ITPR1: variants seen among roughly 807,000 people sequenced by gnomAD.
ITPR1 encodes inositol 1,4,5-trisphosphate receptor type 1, also known as inositol 1,4,5-trisphosphate-gated calcium channel ITPR1.
A neutral mutation model predicts 318.4 loss-of-function variants in ITPR1; 96 were observed. The observed-to-expected ratio is 0.30, with a 90% CI of 0.26 to 0.36. The LOEUF is 0.36. Ranked by LOEUF, ITPR1 falls within the 10% of genes least tolerant of loss-of-function variation. The pLI is 1.00. For missense variants in ITPR1, 2,440 were observed against 3,460.2 expected, an observed-to-expected ratio of 0.71 and a Z score of 7.40; for synonymous variants, 1,312 against 1,289.9, an observed-to-expected ratio of 1.02 and a Z score of -0.37.
chr3:4,827,233 A>G (rs1312331768), intron 60 of ITPR1, among the ~76,000 whole-genome samples: 1 of 152,042 alleles, frequency 6.6e-6, no homozygotes, highest in African/African-American at 2.4e-5. Context: ...CTTGCCCTTT[A>G]CTTCCAGACG....
At chr3:4,593,280 G>C (rs553351960) in intron 4 of ITPR1, among the ~76,000 whole-genome samples, 1 of 152,138 alleles carries the variant, frequency 6.6e-6, no homozygotes, top group African/African-American at 2.4e-5. Context: ...CGTGAACTTA[G>C]ACATGCCATT....
At chr3:4,746,842 G>A (rs1056309151) in intron 44 of ITPR1, among the ~76,000 whole-genome samples, 2 of 152,148 alleles carry the variant, frequency 1.3e-5, no homozygotes, top group African/African-American at 2.4e-5. Context: ...TTACTTTTTG[G>A]TTGTTTATCT....
At chr3:4,787,337 CAAAAAAAA>C (rs71053443) in intron 51 of ITPR1, among the ~76,000 whole-genome samples, 4 of 51,352 alleles carry the variant, frequency 7.8e-5, no homozygotes, top group Admixed American at 3.2e-4. Context: ...GACTCCATCT[CAAAAAAAA>C]AAAAAAAAAA....
intron 60 of ITPR1, among the ~76,000 whole-genome samples, chr3:4,825,165 C>T (rs1256512511): frequency 6.6e-6 from 1 of 152,220 alleles, no homozygotes; most frequent in African/African-American, 2.4e-5. Context: ...AGACACCTCC[C>T]TACTTTCTCT....
intron 43 of ITPR1, among the ~76,000 whole-genome samples, chr3:4,734,005 T>G (rs2043108501): frequency 6.6e-6 from 1 of 152,222 alleles, no homozygotes. Flanking sequence ...AGATCCTTGG[T>G]GGGTTCCATG....
intron 11 of ITPR1, among the ~76,000 whole-genome samples, chr3:4,653,263 C>T (rs2093637077): frequency 6.6e-6 from 1 of 152,146 alleles, no homozygotes; most frequent in South Asian, 2.1e-4. Flanking sequence ...CTGTGCCTGA[C>T]CCGAGGAAGG....
intron 59 of ITPR1, 28 bp downstream of exon 59, chr3:4,815,246 G>C: frequency 6.2e-7 from 1 of 1,611,282 alleles, no homozygotes; most frequent in Non-Finnish European, 8.5e-7. Flanking sequence ...GCTCCAGCAA[G>C]GGCGTGAAGG....
At chr3:4,669,631 G>A in intron 18 of ITPR1, 23 bp from the exon 19 acceptor site, 3 of 1,599,922 alleles carry the variant, frequency 1.9e-6, no homozygotes, top group Non-Finnish European at 2.6e-6. Flanking sequence ...TACAGAAAAT[G>A]TTTTGTTTCT....
In ITPR1 at chr3:4,633,904, G is replaced by A. The variant is rs895896893; in HGVS notation, c.280-5480G>A. On this transcript the variant is annotated intron_variant, in intron 5 of 61. Coordinates refer to ENST00000649015, the MANE Select transcript of ITPR1 (RefSeq NM_001378452.1). ...TTTTTAGAAGCCTTGCTTCAATATC[G>A]CATTACATGATTCAGAGCTTGTTGA... Among the ~76,000 whole-genome samples, 5 of 152,172 alleles carry A rather than the reference G, an allele frequency of 3.3e-5. 1 individual carries two copies. The highest frequency in any genetic ancestry group is 1.3e-4 in the Admixed American group (2 of 15,274).
chr3:4,691,299 A>C lies in ITPR1; in HGVS notation c.3984A>C (p.Ala1328=), dbSNP rs1037624877. The C allele has an allele frequency of 8.7e-6, 14 of 1,613,570 alleles. No homozygotes were observed. The highest frequency in any genetic ancestry group is 1.1e-5 in the Non-Finnish European group (13 of 1,179,584). Residue 1328 remains alanine (A), a synonymous_variant, in exon 32 of 62, where the codon GCA becomes GCC. Coordinates refer to ENST00000649015, the MANE Select transcript of ITPR1 (RefSeq NM_001378452.1). ...YIKFLQTIVK[A]EGKFIKKCQD... ...AGTTCTTACAGACAATTGTCAAGGC[A>C]GAAGGGAAATTTATTAAAAAATGCC...
intron 13 of ITPR1, 38 bp from the exon 14 acceptor site, chr3:4,660,950 T>C (rs762982927): frequency 1.8e-6 from 2 of 1,088,830 alleles, no homozygotes; most frequent in Non-Finnish European, 2.7e-6. Context: ...TAAACCTCAA[T>C]ATTTATTTCC....
chr3:4,581,365 T>G (rs2125051761), intron 4 of ITPR1, among the ~76,000 whole-genome samples: 1 of 152,316 alleles, frequency 6.6e-6, no homozygotes, highest in East Asian at 1.9e-4. Context: ...CACTCCCTGG[T>G]GTAGGGTTAA....
intron 4 of ITPR1, among the ~76,000 whole-genome samples, chr3:4,622,623 C>T (rs1035708020): frequency 1.2e-4 from 19 of 152,202 alleles, no homozygotes; most frequent in African/African-American, 4.3e-4. Flanking sequence ...GGGGTTTCAC[C>T]ATGTTGGCCT....
chr3:4,765,690 A>G (rs1197534440), intron 44 of ITPR1, among the ~76,000 whole-genome samples: 1 of 152,058 alleles, frequency 6.6e-6, no homozygotes, highest in East Asian at 1.9e-4. Context: ...AAATGACCGT[A>G]TTGTATTTTT....
At chr3:4,674,105 G>C (rs978612203) in intron 21 of ITPR1, 97 bp from the exon 22 acceptor site, 1 of 916,282 alleles carries the variant, frequency 1.1e-6, no homozygotes, top group African/African-American at 1.7e-5. Flanking sequence ...GGATGCCAAG[G>C]GTTAGGGGAT....
intron 55 of ITPR1, among the ~76,000 whole-genome samples, chr3:4,809,311 C>G (rs1005869134): frequency 5.9e-5 from 9 of 152,200 alleles, no homozygotes; most frequent in African/African-American, 1.4e-4. Flanking sequence ...GTGTTCCTCA[C>G]AGCATTATTT....
Position 4,545,880 on chromosome 3 carries a change from A to G in ITPR1, c.163+24786A>G, listed in dbSNP as rs573007499. Reference sequence around the variant, plus strand: ...GCTTGGCTAATTTTTAATTTTTTGTAGAGACGGGATCTCACTATGTTACCA... The same window carrying G: ...GCTTGGCTAATTTTTAATTTTTTGTGGAGACGGGATCTCACTATGTTACCA... On this transcript the variant is annotated intron_variant, in intron 4 of 61. Coordinates refer to ENST00000649015, the MANE Select transcript of ITPR1 (RefSeq NM_001378452.1). 1.1e-3 allele frequency among the ~76,000 whole-genome samples: 168 copies of G among 151,936 alleles called. 1 individual carries two copies. The highest frequency in any genetic ancestry group is 1.6e-3 in the Non-Finnish European group (109 of 67,950).
At chr3:4,593,923 A>G (rs2090591454) in intron 4 of ITPR1, among the ~76,000 whole-genome samples, 1 of 152,138 alleles carries the variant, frequency 6.6e-6, no homozygotes, top group Non-Finnish European at 1.5e-5. Context: ...GGGAAAGGAG[A>G]TGATCAACAG....
At chr3:4,739,066 C>G (rs1205043627) in intron 44 of ITPR1, among the ~76,000 whole-genome samples, 1 of 152,222 alleles carries the variant, frequency 6.6e-6, no homozygotes, top group East Asian at 1.9e-4. Context: ...TTCTCTTTCT[C>G]TGGAGAAAAT....
Sources: gnomAD v4.1 joint callset for allele counts (sites outside exome capture counted in the v4.1 genomes callset) on GRCh38, gnomAD v4.1.1 for gene constraint, MANE v1.5 for transcripts, NCBI Gene and HGNC (gene_info 2026-07-23, HGNC 2026-07-21) for gene names.